The following DYRK2 variants were observed in gnomAD, a reference collection of about 807,000 sequenced individuals.
DYRK2 encodes dual specificity tyrosine phosphorylation regulated kinase 2, also known as dual specificity tyrosine-phosphorylation-regulated kinase 2.
DYRK2 carries 12 observed loss-of-function variants against 41.6 expected under a neutral mutation model. The observed-to-expected ratio is 0.29, with a 90% CI of 0.18 to 0.47. The LOEUF (loss-of-function observed/expected upper bound fraction) is 0.47. DYRK2 is among the 20% of genes least tolerant of loss of function. The pLI is 1.00. For missense variants in DYRK2, 678 were observed against 798.4 expected, an observed-to-expected ratio of 0.85 and a Z score of 1.82; for synonymous variants, 322 against 315.7, an observed-to-expected ratio of 1.02 and a Z score of -0.21.
chr12:67,662,262 T>C lies in DYRK2; in HGVS notation c.*3549T>C, dbSNP rs1377800554. Reference sequence around the variant, plus strand: ...TAAAAAAAGTATTTGTGAACTCTGTTTCTTAGGGGCTTGTACATCTCTCTG... The same window carrying C: ...TAAAAAAAGTATTTGTGAACTCTGTCTCTTAGGGGCTTGTACATCTCTCTG... On this transcript the variant is annotated 3_prime_UTR_variant, in exon 3 of 3. Coordinates refer to ENST00000344096, the MANE Select transcript of DYRK2 (RefSeq NM_006482.3). 1 of 166,990 alleles carries C rather than the reference T, an allele frequency of 6.0e-6. No individual in the cohort carries two copies. The highest frequency in any genetic ancestry group is 2.4e-5 in the African/African-American group (1 of 41,434). 10.3% of individuals were successfully genotyped at this position (166,990 alleles called of 1,614,324 possible).
chr12:67,648,795 A>C lies in DYRK2; in HGVS notation c.-339A>C, dbSNP rs1489384552. ...GAGCCAGGCGGTCTTCGGTCCTCGC[A>C]GCGCTTCCAGCTCCCCGCGCCCCTA... On this transcript the variant is annotated 5_prime_UTR_variant, in exon 1 of 3. Transcript: ENST00000344096. 6.2e-6 allele frequency: 1 copy of C among 161,652 alleles called. No individual in the cohort carries two copies. Among genetic ancestry groups the C allele is most frequent in the Non-Finnish European group, 1.3e-5 (1 of 76,538 alleles). 10.0% of individuals were successfully genotyped at this position (161,652 alleles called of 1,614,324 possible). A position where few individuals can be genotyped will look rare whatever the true frequency, so the allele number is the denominator to read the frequency against.
intron 2 of DYRK2, chr12:67,651,714 C>A: frequency 2.3e-6 from 1 of 440,376 alleles, no homozygotes; most frequent in South Asian, 1.6e-5. Flanking sequence ...TATAACATAG[C>A]AGATTTCATA....
At position 67,661,097 on chromosome 12, in the gene DYRK2, CTTT is replaced by C. The variant is rs544989474; in HGVS notation, c.*2394_*2396del. Reference sequence around the variant, plus strand: ...TATAATAATGTGCAGCACTGTAGGGCTTTTTTTTTTTTCCCTCCAAATACAGTG... The same window carrying C: ...TATAATAATGTGCAGCACTGTAGGGCTTTTTTTTTCCCTCCAAATACAGTG... On this transcript the variant is annotated 3_prime_UTR_variant, in exon 3 of 3. Coordinates refer to ENST00000344096, the MANE Select transcript of DYRK2 (RefSeq NM_006482.3). The C allele has an allele frequency of 1.9e-5, 3 of 155,140 alleles. No individual in the cohort carries two copies. The highest frequency in any genetic ancestry group is 2.2e-4 in the South Asian group (1 of 4,520). 9.6% of individuals were successfully genotyped at this position (155,140 alleles called of 1,614,324 possible).
intron 2 of DYRK2, among the ~76,000 whole-genome samples, chr12:67,651,038 G>T (rs1872306707): frequency 1.3e-5 from 2 of 152,220 alleles, no homozygotes; most frequent in Middle Eastern, 3.2e-3. Flanking sequence ...TAGACTTGGA[G>T]AGATGTGTGC....
At position 67,657,063 on chromosome 12, in the gene DYRK2, G is replaced by T; in HGVS notation, c.199-43G>T. 1 of 1,520,174 alleles carries T rather than the reference G, an allele frequency of 6.6e-7. No individual in the cohort carries two copies. Among genetic ancestry groups the T allele is most frequent in the South Asian group, 1.3e-5 (1 of 75,172 alleles). 94.2% of individuals were successfully genotyped at this position (1,520,174 alleles called of 1,614,324 possible). A position where few individuals can be genotyped will look rare whatever the true frequency, so the allele number is the denominator to read the frequency against. ...GGGTTACTTATACACCATTTGAACA[G>T]ACACCACTTCTTTTCTATTTATATT... On this transcript the variant is annotated intron_variant, in intron 2 of 2. Coordinates refer to ENST00000344096, the MANE Select transcript of DYRK2 (RefSeq NM_006482.3). This position sits in a 1 kb window ranked among gnomAD's most constrained non-coding sequence, Gnocchi z 4.8.
At chr12:67,650,588 G>T (rs561338028) in intron 2 of DYRK2, among the ~76,000 whole-genome samples, 1 of 152,348 alleles carries the variant, frequency 6.6e-6, no homozygotes, top group South Asian at 2.1e-4. Context: ...AAAAGGAAAG[G>T]GCAAGCGTTG....
intron 2 of DYRK2, among the ~76,000 whole-genome samples, chr12:67,655,496 A>G (rs1388316220): frequency 6.6e-6 from 1 of 152,208 alleles, no homozygotes; most frequent in Non-Finnish European, 1.5e-5. Flanking sequence ...GGCATAGAAC[A>G]AGGGTAAAAT....
chr12:67,649,588 G>T, intron 1 of DYRK2: 1 of 552,168 alleles, frequency 1.8e-6, no homozygotes, highest in Non-Finnish European at 2.7e-6. Context: ...TCGCGCGCCA[G>T]GGCCCCACTT....
rs1046228890 is a variant in DYRK2, at chr12:67,650,015, T to TG, written c.198+72dup. 31 of 1,267,684 alleles carry TG rather than the reference T, an allele frequency of 2.4e-5. No homozygotes were observed. In the African/African-American group the frequency reaches 3.7e-4, roughly 15 times the overall value. 78.5% of individuals were successfully genotyped at this position (1,267,684 alleles called of 1,614,324 possible). The stretch of plus-strand genomic sequence containing the variant: ...GGCCCCAGGCCGAAGCACCCGGACT[T>TG]GGAGGGGTCTGACGCCGGGAGAAGA... On this transcript the variant is annotated intron_variant, in intron 2 of 2. Transcript: ENST00000344096.
Position 67,657,567 on chromosome 12 carries a change from C to G in DYRK2, c.660C>G (p.Tyr220Ter). 6.2e-7 allele frequency: 1 copy of G among 1,614,092 alleles called. No individual in the cohort carries two copies. The highest frequency in any genetic ancestry group is 8.5e-7 in the Non-Finnish European group (1 of 1,180,020). ...YVQVPHDHVAYRYEVLKVIGK... is the reference protein window; with the variant it reads ...YVQVPHDHVA ...AGGTGCCCCACGATCACGTGGCTTA[C>G]AGGTATGAGGTCCTCAAGGTCATTG... is the stretch of plus-strand genomic sequence containing the variant. Residue 220 changes from tyrosine to a stop codon, truncating the protein, a stop_gained, in exon 3 of 3, where the codon TAC becomes TAG. Coordinates refer to ENST00000344096, the MANE Select transcript of DYRK2 (RefSeq NM_006482.3). LOFTEE classifies it high-confidence loss of function. The surrounding 1 kb of genome is among the most constrained non-coding windows in gnomAD (Gnocchi z 4.8).
In DYRK2 at chr12:67,658,542, G is replaced by A; in HGVS notation, c.1635G>A (p.Gly545=). ...LRRRLPKPPT[G]EKTSVKRITE... ...GGCGGTTGCCAAAGCCTCCCACCGG[G>A]GAGAAAACGTCAGTGAAAAGGATAA... The change falls in exon 3 of 3, where the codon GGG becomes GGA. Residue 545 remains glycine (G), a synonymous_variant. Coordinates refer to ENST00000344096, the MANE Select transcript of DYRK2 (RefSeq NM_006482.3). This position sits in a 1 kb window ranked among gnomAD's most constrained non-coding sequence, Gnocchi z 4.3. 1.2e-6 allele frequency: 2 copies of A among 1,614,014 alleles called. No homozygotes were observed. Among genetic ancestry groups the A allele is most frequent in the African/African-American group, 2.7e-5 (2 of 75,036 alleles).
intron 1 of DYRK2, 58 bp downstream of exon 1, chr12:67,649,240 C>G: frequency 7.9e-7 from 1 of 1,271,994 alleles, no homozygotes; most frequent in Middle Eastern, 2.2e-4. Flanking sequence ...CTGGGCAGCC[C>G]CTGTGGCGCG....
Position 67,658,918 on chromosome 12 carries a change from C to G in DYRK2, c.*205C>G. 2 of 526,228 alleles carry G rather than the reference C, an allele frequency of 3.8e-6. No homozygotes were observed. The highest frequency in any genetic ancestry group is 4.6e-5 in the South Asian group (1 of 21,682). The allele number at this position is 526,228 out of a possible 1,614,324, so 32.6% of individuals were successfully genotyped here. A position where few individuals can be genotyped will look rare whatever the true frequency, so the allele number is the denominator to read the frequency against. ...ACAATGCTTTAAGTTTTTATACTTT[C>G]AGAAACTTTTTGTGTTCTAAAAGTA... On this transcript the variant is annotated 3_prime_UTR_variant, in exon 3 of 3. Transcript: ENST00000344096. The surrounding 1 kb of genome is among the most constrained non-coding windows in gnomAD (Gnocchi z 4.3).
At chr12:67,649,699 G>A in intron 1 of DYRK2, 98 bp from the exon 2 acceptor site, 1 of 1,223,358 alleles carries the variant, frequency 8.2e-7, no homozygotes, top group Non-Finnish European at 1.0e-6. Flanking sequence ...GTCTTTCTTT[G>A]GAAGAGGGTT....
At position 67,657,857 on chromosome 12, in the gene DYRK2, T is replaced by G; in HGVS notation, c.950T>G (p.Phe317Cys). Residue 317 changes from phenylalanine to cysteine, a missense_variant, in exon 3 of 3, where the codon TTC becomes TGC. Physicochemically the swap from Phe to Cys is radical, Grantham distance 205. Around this residue, in one of 2 missense-constraint regions of DYRK2, gnomAD observed 393 missense variants for 519.1 expected, o/e 0.76. Coordinates refer to ENST00000344096, the MANE Select transcript of DYRK2 (RefSeq NM_006482.3). The surrounding 1 kb of genome is among the most constrained non-coding windows in gnomAD (Gnocchi z 4.8). ...NLYELIKKNKFQGFSLPLVRK... is the reference protein window; with the variant it reads ...NLYELIKKNKCQGFSLPLVRK... ...TATGAGCTCATCAAGAAGAATAAATTCCAGGGCTTCAGTCTGCCTTTGGTT... is the reference window on the plus strand; with the variant it reads ...TATGAGCTCATCAAGAAGAATAAATGCCAGGGCTTCAGTCTGCCTTTGGTT... 6.2e-7 allele frequency: 1 copy of G among 1,614,190 alleles called. No homozygotes were observed. The highest frequency in any genetic ancestry group is 8.5e-7 in the Non-Finnish European group (1 of 1,180,040).
rs1872215437 is a variant in DYRK2, at chr12:67,648,947, G to A, written c.-187G>A. 2 of 397,744 alleles carry A rather than the reference G, an allele frequency of 5.0e-6. No homozygotes were observed. The highest frequency in any genetic ancestry group is 8.8e-6 in the Non-Finnish European group (2 of 227,382). 24.6% of individuals were successfully genotyped at this position (397,744 alleles called of 1,614,324 possible). On this transcript the variant is annotated 5_prime_UTR_variant, in exon 1 of 3. Coordinates refer to ENST00000344096, the MANE Select transcript of DYRK2 (RefSeq NM_006482.3). ...AGGAGGAGAGCGGGGGGCTCGCGGC[G>A]GCGGGCCCCGGCCGAGGGGATGCAG... is the stretch of plus-strand genomic sequence containing the variant.
rs1430251860 is a variant in DYRK2 at position 67,660,755 on chromosome 12, T to G, written c.*2042T>G. 1 of 167,052 alleles carries G rather than the reference T, an allele frequency of 6.0e-6. No individual in the cohort carries two copies. The highest frequency in any genetic ancestry group is 1.5e-5 in the Non-Finnish European group (1 of 68,106). The allele number at this position is 167,052 out of a possible 1,614,324, so 10.3% of individuals were successfully genotyped here. Reference sequence around the variant, plus strand: ...ATGAGAAGTATAAGACTTGGTTTGGTGGCTTTGTAAGACCACCAGCCTCTT... The same window carrying G: ...ATGAGAAGTATAAGACTTGGTTTGGGGGCTTTGTAAGACCACCAGCCTCTT... On this transcript the variant is annotated 3_prime_UTR_variant, in exon 3 of 3. Transcript: ENST00000344096.
rs1872523233 is a variant in DYRK2, at chr12:67,657,788, G to A, written c.881G>A (p.Arg294His). The part of the protein sequence containing the change: ...VIHMLENFTF[R>H]NHICMTFELL... Reference sequence around the variant, plus strand: ...CATATGCTGGAGAATTTCACCTTCCGCAACCACATCTGCATGACGTTTGAG... The same window carrying A: ...CATATGCTGGAGAATTTCACCTTCCACAACCACATCTGCATGACGTTTGAG... Residue 294 changes from arginine (R) to histidine (H), a missense_variant, in exon 3 of 3, where the codon CGC becomes CAC. Coordinates refer to ENST00000344096, the MANE Select transcript of DYRK2 (RefSeq NM_006482.3). The surrounding 1 kb of genome is among the most constrained non-coding windows in gnomAD (Gnocchi z 4.8). 1 of 1,614,200 alleles carries A rather than the reference G, an allele frequency of 6.2e-7. No individual in the cohort carries two copies.
intron 1 of DYRK2, 173 bp from the exon 2 acceptor site, chr12:67,649,624 C>T (rs1872248065): frequency 8.0e-6 from 6 of 752,720 alleles, no homozygotes; most frequent in Non-Finnish European, 1.1e-5. Flanking sequence ...CGCGCCCCGC[C>T]CGTGGGTGTG....
Sources: gnomAD v4.1 joint callset for allele counts (sites outside exome capture counted in the v4.1 genomes callset) on GRCh38, gnomAD v4.1.1 for gene constraint, gnomAD v4.1.1 regional missense constraint, Gnocchi (gnomAD v3.1) non-coding constraint, MANE v1.5 for transcripts, NCBI Gene and HGNC (gene_info 2026-07-23, HGNC 2026-07-21) for gene names.